Variants in MAP4K2 observed in about 807,000 individuals in gnomAD.
The protein encoded by MAP4K2 is B lymphocyte serine/threonine protein kinase.
Under a neutral mutation model 125.3 loss-of-function variants are expected in MAP4K2, and 85 were observed. The ratio of observed to expected loss-of-function variants is 0.68; its 90% CI spans 0.57 to 0.81. MAP4K2 has a LOEUF of 0.81. Ranked by LOEUF, MAP4K2 falls within the 40% of genes least tolerant of loss-of-function variation. The pLI, the probability that MAP4K2 is intolerant of heterozygous loss-of-function variation, is 0.00. For synonymous variants in MAP4K2, 479 were observed against 445.1 expected, an observed-to-expected ratio of 1.08 and a Z score of -0.96; for missense variants, 923 against 1,056.4, an observed-to-expected ratio of 0.87 and a Z score of 1.75.
At chr11:64,791,199 C>G (rs985381502) in intron 27 of MAP4K2, among the ~76,000 whole-genome samples, 1 of 152,154 alleles carries the variant, frequency 6.6e-6, no homozygotes. Flanking sequence ...CAGGGCCTGG[C>G]ACCAGGTGCC....
In MAP4K2 at chr11:64,799,554, C is replaced by T. The variant is rs759322707; in HGVS notation, c.994+51G>A. 6.8e-6 allele frequency: 11 copies of T among 1,607,016 alleles called. 1 individual carries two copies. In the South Asian group the frequency reaches 1.2e-4, roughly 18 times the overall value. On this transcript the variant is annotated intron_variant, in intron 13 of 31. Coordinates refer to ENST00000294066, the MANE Select transcript of MAP4K2 (RefSeq NM_004579.5). ...CCTCTACTCACACCAAATCCATGTGCACACAGGCCCCCCAAAATCTGCACA... is the reference window on the plus strand; with the variant it reads ...CCTCTACTCACACCAAATCCATGTGTACACAGGCCCCCCAAAATCTGCACA...
Position 64,798,943 on chromosome 11 carries a change from G to C in MAP4K2, c.1054-106C>G, listed in dbSNP as rs1051945943. 1.7e-5 allele frequency: 16 copies of C among 934,390 alleles called. No individual in the cohort carries two copies. In the Admixed American group the frequency reaches 2.6e-4, roughly 15 times the overall value. The allele number at this position is 934,390 out of a possible 1,614,324, so 57.9% of individuals were successfully genotyped here. Reference sequence around the variant, plus strand: ...GAAAGACAGACAGACAGACAGACGGGAAAGGTGAGATGGAAACACACAGAA... The same window carrying C: ...GAAAGACAGACAGACAGACAGACGGCAAAGGTGAGATGGAAACACACAGAA... On this transcript the variant is annotated intron_variant, in intron 14 of 31. Coordinates refer to ENST00000294066, the MANE Select transcript of MAP4K2 (RefSeq NM_004579.5).
intron 4 of MAP4K2, 100 bp from the exon 5 acceptor site, chr11:64,802,221 A>G: frequency 8.1e-7 from 1 of 1,236,924 alleles, no homozygotes; most frequent in South Asian, 1.3e-5. Context: ...GTTAAATGAA[A>G]GCGGTGTTGG....
chr11:64,790,823 G>A (rs1803880596), intron 27 of MAP4K2, among the ~76,000 whole-genome samples: 1 of 152,210 alleles, frequency 6.6e-6, no homozygotes, highest in Non-Finnish European at 1.5e-5. Context: ...TGCCTTGAGA[G>A]GCTATCATGA....
chr11:64,800,952 C>T lies in MAP4K2; in HGVS notation c.610G>A (p.Ala204Thr), dbSNP rs1223489217. The change falls in exon 9 of 32, where the codon GCC becomes ACC. Residue 204 changes from alanine to threonine, a missense_variant. Coordinates refer to ENST00000294066, the MANE Select transcript of MAP4K2 (RefSeq NM_004579.5). ...LCDVWALGITAIELGELQPPL... is the reference protein window; with the variant it reads ...LCDVWALGITTIELGELQPPL... ...GGCTGCAGCTCGCCCAGCTCAATGGCAGTGATGCCCAGGGCCCAGACGTCA... is the reference window on the plus strand; with the variant it reads ...GGCTGCAGCTCGCCCAGCTCAATGGTAGTGATGCCCAGGGCCCAGACGTCA... 2 of 1,613,904 alleles carry T rather than the reference C, an allele frequency of 1.2e-6. No individual in the cohort carries two copies. The highest frequency in any genetic ancestry group is 2.7e-5 in the African/African-American group (2 of 74,914).
chr11:64,798,964 C>A, intron 14 of MAP4K2, 127 bp from the exon 15 acceptor site: 1 of 797,012 alleles, frequency 1.3e-6, no homozygotes. Flanking sequence ...TGGAAACACA[C>A]AGAAGATGAG....
At chr11:64,798,984 C>T (rs1400396434) in intron 14 of MAP4K2, 147 bp from the exon 15 acceptor site, 3 of 704,496 alleles carry the variant, frequency 4.3e-6, no homozygotes, top group Non-Finnish European at 7.2e-6. Flanking sequence ...GAGAGACAGA[C>T]AGTGGGAGGC....
chr11:64,791,989 G>A lies in MAP4K2; in HGVS notation c.2012C>T (p.Pro671Leu). 1 of 1,601,530 alleles carries A rather than the reference G, an allele frequency of 6.2e-7. No homozygotes were observed. Among genetic ancestry groups the A allele is most frequent in the Non-Finnish European group, 8.5e-7 (1 of 1,174,680 alleles). Residue 671 changes from proline (P) to leucine (L), a missense_variant, in exon 27 of 32, where the codon CCT becomes CTT. Physicochemically the swap from Pro to Leu is moderately conservative, Grantham distance 98. This residue lies in a region of MAP4K2 where 833 missense variants were observed against 911.4 expected (regional missense o/e 0.91). Transcript: ENST00000294066. The stretch of plus-strand genomic sequence containing the variant: ...CAGGACGCGGCAGCCGGGCCCCTCA[G>A]GCCCCTCGGCCCCAACACACACCTG... Reference protein sequence around the residue: ...LPQVCVGAEGPEGPGCRVLFH... With the variant: ...LPQVCVGAEGLEGPGCRVLFH...
At position 64,797,558 on chromosome 11, in the gene MAP4K2, A is replaced by T. The variant is rs369374593; in HGVS notation, c.1137-24T>A. 44 of 1,573,524 alleles carry T rather than the reference A, an allele frequency of 2.8e-5. No individual in the cohort carries two copies. The Middle Eastern group carries it at 1.5e-3, about 53-fold the overall frequency. On this transcript the variant is annotated intron_variant, in intron 16 of 31. Coordinates refer to ENST00000294066, the MANE Select transcript of MAP4K2 (RefSeq NM_004579.5). ...TCCTGTGGGAGGGAGATGAGGCGTGAGGCATGAGGTGTGACTGGCACCAAG... is the reference window on the plus strand; with the variant it reads ...TCCTGTGGGAGGGAGATGAGGCGTGTGGCATGAGGTGTGACTGGCACCAAG...
At position 64,799,459 on chromosome 11, in the gene MAP4K2, C is replaced by T. The variant is rs753683988; in HGVS notation, c.1015G>A (p.Ala339Thr). The change falls in exon 14 of 32, where the codon GCC becomes ACC. Residue 339 changes from alanine (A) to threonine (T), a missense_variant. Physicochemically the swap from Ala to Thr is moderately conservative, Grantham distance 58. This residue lies in a region of MAP4K2 where 833 missense variants were observed against 911.4 expected (regional missense o/e 0.91). Coordinates refer to ENST00000294066, the MANE Select transcript of MAP4K2 (RefSeq NM_004579.5). Reference protein sequence around the residue: ...EIQFHQVKFGAPRRKETDPLN... With the variant: ...EIQFHQVKFGTPRRKETDPLN... ...GGGTCAGTTTCCTTCCTGCGTGGGG[C>T]GCCAAATTTCACCTGGTGAACTGGG... 5.2e-5 allele frequency: 84 copies of T among 1,611,206 alleles called. No homozygotes were observed. The highest frequency in any genetic ancestry group is 2.5e-4 in the African/African-American group (19 of 74,610).
chr11:64,798,299 G>A, intron 15 of MAP4K2, among the ~76,000 whole-genome samples: 1 of 152,198 alleles, frequency 6.6e-6, no homozygotes, highest in East Asian at 1.9e-4. Flanking sequence ...CTGAGTAGCT[G>A]GGATTACAGG....
chr11:64,803,137 G>T lies in MAP4K2; in HGVS notation c.13C>A (p.Arg5=). 2 of 1,528,564 alleles carry T rather than the reference G, an allele frequency of 1.3e-6. No homozygotes were observed. The highest frequency in any genetic ancestry group is 1.7e-6 in the Non-Finnish European group (2 of 1,147,970). The allele number at this position is 1,528,564 out of a possible 1,614,324, so 94.7% of individuals were successfully genotyped here. A position where few individuals can be genotyped will look rare whatever the true frequency, so the allele number is the denominator to read the frequency against. Residue 5 remains arginine (R), a synonymous_variant, in exon 1 of 32, where the codon CGG becomes AGG. Coordinates refer to ENST00000294066, the MANE Select transcript of MAP4K2 (RefSeq NM_004579.5). Reference sequence around the variant, plus strand: ...CGCGGGTCCTGCAGCGACACATCCCGCAGCAGCGCCATGGCCCGGCGCCGG... The same window carrying T: ...CGCGGGTCCTGCAGCGACACATCCCTCAGCAGCGCCATGGCCCGGCGCCGG... MALL[R]DVSLQDPRDR...
Position 64,791,906 on chromosome 11 carries a change from C to T in MAP4K2, c.2092+3G>A, listed in dbSNP as rs1318023873. 1.9e-6 allele frequency: 3 copies of T among 1,577,466 alleles called. No individual in the cohort carries two copies. The highest frequency in any genetic ancestry group is 1.2e-5 in the South Asian group (1 of 86,610). On this transcript the variant is annotated splice_donor_region_variant and intron_variant, in intron 27 of 31. Coordinates refer to ENST00000294066, the MANE Select transcript of MAP4K2 (RefSeq NM_004579.5). ...CCCCCAGCAGCCTGGCCCTTCTGCT[C>T]ACCAGGTGGGATGAGGATGTCGGGC... is the stretch of plus-strand genomic sequence containing the variant.
intron 14 of MAP4K2, 138 bp from the exon 15 acceptor site, chr11:64,798,975 A>C (rs561786324): frequency 2.7e-6 from 2 of 742,614 alleles, no homozygotes; most frequent in South Asian, 1.7e-5. Context: ...AGAAGATGAG[A>C]GAGACAGACA....
Position 64,797,626 on chromosome 11 carries a change from C to T in MAP4K2, c.1136G>A (p.Arg379Lys). The change falls in exon 16 of 32, where the codon AGG becomes AAG. Residue 379 changes from arginine (R) to lysine (K), a missense_variant and splice_region_variant. Arg to Lys is a conservative substitution (Grantham distance 26, BLOSUM62 2). Around this residue, in one of 2 missense-constraint regions of MAP4K2, gnomAD observed 833 missense variants for 911.4 expected, o/e 0.91. Coordinates refer to ENST00000294066, the MANE Select transcript of MAP4K2 (RefSeq NM_004579.5). ...LQSVQEALEE[R>K]SLTIRSASEF... ...CCTCCCCCAGGCCCACATCCCTCAC[C>T]TTTCCTCCAGGGCCTCCTGGACCGA... 4 of 1,582,854 alleles carry T rather than the reference C, an allele frequency of 2.5e-6. No individual in the cohort carries two copies. Among genetic ancestry groups the T allele is most frequent in the Non-Finnish European group, 3.4e-6 (4 of 1,163,582 alleles).
Position 64,792,361 on chromosome 11 carries a change from T to G in MAP4K2, c.1810+3A>C. On this transcript the variant is annotated splice_donor_region_variant and intron_variant, in intron 25 of 31. Transcript: ENST00000294066. ...GCCCCACCCCGCCCAGCCCATTTCT[T>G]ACCCACACGACACTGCAAGCAGCCT... 1 of 1,228,518 alleles carries G rather than the reference T, an allele frequency of 8.1e-7. No homozygotes were observed. Among genetic ancestry groups the G allele is most frequent in the Non-Finnish European group, 1.1e-6 (1 of 879,166 alleles). The allele number at this position is 1,228,518 out of a possible 1,614,324, so 76.1% of individuals were successfully genotyped here. A position where few individuals can be genotyped will look rare whatever the true frequency, so the allele number is the denominator to read the frequency against.
intron 15 of MAP4K2, 129 bp downstream of exon 15, chr11:64,798,665 C>T: frequency 2.2e-6 from 2 of 909,600 alleles, no homozygotes; most frequent in Admixed American, 2.0e-5. Context: ...GAACTCCTGA[C>T]CTCAGGTGAT....
chr11:64,796,236 T>C (rs1312777961), intron 24 of MAP4K2, 37 bp downstream of exon 24: 2 of 1,496,700 alleles, frequency 1.3e-6, no homozygotes, highest in Non-Finnish European at 8.9e-7. Flanking sequence ...TCCCTGCCCC[T>C]CTGCCTCCCG....
rs1303954348 is a variant in MAP4K2 at position 64,802,444 on chromosome 11, C to G, written c.285G>C (p.Gly95=). The change falls in exon 4 of 32, where the codon GGG becomes GGC. Residue 95 remains glycine, a synonymous_variant. Transcript: ENST00000294066. ...CATGGTAAATCTCCTGCAGGGAGCC[C>G]CCTCCGCAGAACTCCATGCAGATCC... The part of the protein sequence containing the change: ...RLWICMEFCG[G]GSLQEIYHAT... 1 of 1,502,528 alleles carries G rather than the reference C, an allele frequency of 6.7e-7. No homozygotes were observed. Among genetic ancestry groups the G allele is most frequent in the Non-Finnish European group, 8.9e-7 (1 of 1,125,606 alleles). The allele number at this position is 1,502,528 out of a possible 1,614,324, so 93.1% of individuals were successfully genotyped here.
Sources: allele counts gnomAD v4.1 joint callset (sites outside exome capture counted in the v4.1 genomes callset), GRCh38; gene constraint gnomAD v4.1.1; regional missense constraint gnomAD v4.1.1; transcripts MANE v1.5; gene names NCBI Gene and HGNC (gene_info 2026-07-23, HGNC 2026-07-21).